Variants in TTC23 observed in about 807,000 individuals in gnomAD.
The protein encoded by TTC23 is tetratricopeptide repeat protein 23.
Under a neutral mutation model 55.1 loss-of-function variants are expected in TTC23, and 58 were observed. The ratio of observed to expected loss-of-function variants is 1.05; its 90% CI spans 0.85 to 1.31. TTC23 has a LOEUF of 1.31. TTC23 is among the 50% of genes most tolerant of loss of function. TTC23 has a pLI of 0.00. For missense variants in TTC23, 516 were observed against 534.4 expected (o/e 0.97, Z 0.34); for synonymous variants, 203 against 199.9 (o/e 1.02, Z -0.13).
At chr15:99,226,158 A>C (rs2078393549) in intron 5 of TTC23, among the ~76,000 whole-genome samples, 2 of 152,252 alleles carry the variant, frequency 1.3e-5, no homozygotes, top group Admixed American at 1.3e-4. Flanking sequence ...ATTTAACATG[A>C]ATTCACAGAC....
intron 9 of TTC23, among the ~76,000 whole-genome samples, chr15:99,197,418 C>T (rs2075836072): frequency 6.6e-6 from 1 of 151,924 alleles, no homozygotes; most frequent in Admixed American, 6.6e-5. Flanking sequence ...CTGTTCTTAT[C>T]ATCACCCCAG....
intron 10 of TTC23, among the ~76,000 whole-genome samples, chr15:99,163,630 A>T (rs896675341): frequency 6.6e-6 from 1 of 152,236 alleles, no homozygotes; most frequent in Non-Finnish European, 1.5e-5. Context: ...CCTCAAATTC[A>T]TGTGTTGAAA....
Position 99,187,601 on chromosome 15 carries a change from T to A in TTC23, c.759+12318A>T, listed in dbSNP as rs534777608. Among the ~76,000 whole-genome samples, 16 of 151,858 alleles carry A rather than the reference T, an allele frequency of 1.1e-4. No individual in the cohort carries two copies. The East Asian group carries it at 1.7e-3, about 17-fold the overall frequency. ...ACACCTCACAGATAAGGCTCTAGTA[T>A]CCAGTATCCAGAATATGTAAATAAC... On this transcript the variant is annotated intron_variant, in intron 9 of 13. Coordinates refer to ENST00000394132, the MANE Select transcript of TTC23 (RefSeq NM_001288615.3).
At chr15:99,197,775 G>A (rs1041670459) in intron 9 of TTC23, among the ~76,000 whole-genome samples, 3 of 151,828 alleles carry the variant, frequency 2.0e-5, no homozygotes, top group Non-Finnish European at 2.9e-5. Flanking sequence ...GCATGGTGGC[G>A]GGCGCCTGTA....
intron 11 of TTC23, chr15:99,157,866 C>T (rs992526204): frequency 1.3e-5 from 2 of 152,184 alleles, no homozygotes; most frequent in Admixed American, 6.5e-5. Flanking sequence ...AATTCTTCCA[C>T]GATCTTCCAC....
At chr15:99,156,436 T>C (rs1403815674) in intron 11 of TTC23, 139 bp from the exon 12 acceptor site, 15 of 1,009,206 alleles carry the variant, frequency 1.5e-5, no homozygotes, top group Non-Finnish European at 2.0e-5. Context: ...TCCATTCTCA[T>C]GCTGCTATGA....
intron 12 of TTC23, chr15:99,144,677 T>G (rs1286165076): frequency 6.6e-6 from 1 of 152,158 alleles, no homozygotes; most frequent in African/African-American, 2.4e-5. Flanking sequence ...AATAGAAAAT[T>G]GAGAAAAGCA....
At chr15:99,239,861 C>A (rs1473096740) in intron 3 of TTC23, among the ~76,000 whole-genome samples, 1 of 152,184 alleles carries the variant, frequency 6.6e-6, no homozygotes, top group Non-Finnish European at 1.5e-5. Context: ...TCTCATGTGG[C>A]CCTTACAACC....
At chr15:99,142,377 C>A (rs1421885515) in intron 12 of TTC23, among the ~76,000 whole-genome samples, 3 of 152,178 alleles carry the variant, frequency 2.0e-5, no homozygotes, top group Non-Finnish European at 1.5e-5. Context: ...CCCAGAAATA[C>A]CTTCACTCAG....
intron 9 of TTC23, among the ~76,000 whole-genome samples, chr15:99,187,452 C>CAAAAAAAAAAAAAAAAAAAAAAAAAA (rs66568931): frequency 2.2e-4 from 10 of 44,482 alleles, no homozygotes; most frequent in African/African-American, 2.9e-4. Flanking sequence ...AAAGCACAAG[C>CAAAAAAAAAAAAAAAAAAAAAAAAAA]AAAAAAAAAA....
chr15:99,176,376 C>A (rs75283448), intron 9 of TTC23, among the ~76,000 whole-genome samples: 5,385 of 152,200 alleles, frequency 0.035, 133 homozygotes, highest in Non-Finnish European at 0.056. Context: ...GTTTGGGGGA[C>A]TGAGGCTGGA....
intron 8 of TTC23, among the ~76,000 whole-genome samples, 179 bp from the exon 9 acceptor site, chr15:99,200,275 G>GA (rs1160850936): frequency 6.6e-6 from 1 of 152,092 alleles, no homozygotes; most frequent in Non-Finnish European, 1.5e-5. Context: ...ATGGGTTCTG[G>GA]AATCACCAGG....
At chr15:99,141,292 T>A (rs1049097057) in intron 12 of TTC23, among the ~76,000 whole-genome samples, 1 of 152,054 alleles carries the variant, frequency 6.6e-6, no homozygotes, top group Non-Finnish European at 1.5e-5. Context: ...GATTACAAAG[T>A]CAAGGGGAAA....
intron 7 of TTC23, 51 bp from the exon 8 acceptor site, chr15:99,218,764 T>A: frequency 6.2e-7 from 1 of 1,609,598 alleles, no homozygotes; most frequent in Non-Finnish European, 8.5e-7. Flanking sequence ...CTACACCCCA[T>A]GTCCTGAACT....
intron 5 of TTC23, among the ~76,000 whole-genome samples, chr15:99,227,536 T>G (rs935916844): frequency 6.6e-6 from 1 of 152,174 alleles, no homozygotes; most frequent in Non-Finnish European, 1.5e-5. Context: ...GTTCTTAAAA[T>G]CAGACCTGCT....
chr15:99,197,905 C>CAA (rs199825292), intron 9 of TTC23, among the ~76,000 whole-genome samples: 127 of 128,586 alleles, frequency 9.9e-4, no homozygotes, highest in African/African-American at 3.4e-3. Flanking sequence ...TCCGCTCAAA[C>CAA]AAAAAAAAAA....
intron 10 of TTC23, among the ~76,000 whole-genome samples, chr15:99,165,617 A>G (rs572967241): frequency 1.6e-4 from 24 of 152,142 alleles, no homozygotes; most frequent in African/African-American, 5.3e-4. Context: ...CTCTCTTTCA[A>G]TGGGGCCTGT....
chr15:99,138,198 G>C, intron 13 of TTC23, 71 bp from the exon 14 acceptor site: 3 of 1,583,184 alleles, frequency 1.9e-6, no homozygotes, highest in Non-Finnish European at 2.6e-6. Flanking sequence ...TCCAGCCTTT[G>C]CTGCCCAGCA....
chr15:99,248,332 A>G (rs2080440436), intron 1 of TTC23: 1 of 152,210 alleles, frequency 6.6e-6, no homozygotes, highest in Non-Finnish European at 1.5e-5. Context: ...ACAGGACCCA[A>G]ACCCCTGATT....
Sources: gnomAD v4.1 joint callset for allele counts (sites outside exome capture counted in the v4.1 genomes callset) on GRCh38, gnomAD v4.1.1 for gene constraint, MANE v1.5 for transcripts, NCBI Gene and HGNC (gene_info 2026-07-23, HGNC 2026-07-21) for gene names.